The following HDAC5 variants were observed in gnomAD, a reference collection of about 807,000 sequenced individuals.
HDAC5 encodes the protein histone deacetylase 5, also known as antigen NY-CO-9.
Under a neutral mutation model 133.3 loss-of-function variants are expected in HDAC5, and 25 were observed. The observed-to-expected ratio is 0.19, with a 90% CI of 0.14 to 0.26. HDAC5 has a LOEUF of 0.26. Ranked by LOEUF, HDAC5 falls within the 10% of genes least tolerant of loss-of-function variation. HDAC5 has a pLI of 1.00. For missense variants in HDAC5, 1,041 were observed against 1,460.5 expected (o/e 0.71, Z 4.68); for synonymous variants, 589 against 610.8 (o/e 0.96, Z 0.53).
chr17:44,090,333 C>A (rs150901122), intron 11 of HDAC5, among the ~76,000 whole-genome samples: 356 of 152,258 alleles, frequency 2.3e-3, no homozygotes, highest in African/African-American at 6.9e-3. Context: ...TTGTAATATT[C>A]TGGATATAAT....
At position 44,092,778 on chromosome 17, in the gene HDAC5, T is replaced by C; in HGVS notation, c.670A>G (p.Ser224Gly). ...GGGGGGCCGCTCTGGGGAGGGGAAC[T>C]CTGGTCCAAAGAAGCATGGTGGGCT... ...WGAHHASLDQSSPPQSGPPGT... is the reference protein window; with the variant it reads ...WGAHHASLDQGSPPQSGPPGT... The change falls in exon 7 of 27, where the codon AGT (serine) becomes GGT (glycine). Residue 224 changes from serine (S) to glycine (G), a missense_variant. By Grantham distance (56) the Ser-to-Gly change is moderately conservative. This residue lies in a region of HDAC5 where 56 missense variants were observed against 41.3 expected (regional missense o/e 1.36). Transcript: ENST00000682912. The C allele has an allele frequency of 1.1e-6, 1 of 903,462 alleles. No individual in the cohort carries two copies. Among genetic ancestry groups the C allele is most frequent in the Non-Finnish European group, 1.5e-6 (1 of 681,068 alleles). The allele number at this position is 903,462 out of a possible 1,614,324, so 56.0% of individuals were successfully genotyped here. A position where few individuals can be genotyped will look rare whatever the true frequency, so the allele number is the denominator to read the frequency against.
intron 3 of HDAC5, among the ~76,000 whole-genome samples, chr17:44,106,196 T>C (rs532237601): frequency 6.6e-6 from 1 of 152,106 alleles, no homozygotes; most frequent in East Asian, 1.9e-4. Flanking sequence ...GAAGAGGGGA[T>C]GAGGCAGGGG....
At chr17:44,079,639 CAAAAAAAA>C (rs773678478) in intron 23 of HDAC5, among the ~76,000 whole-genome samples, 4 of 66,020 alleles carry the variant, frequency 6.1e-5, no homozygotes, top group Admixed American at 4.0e-4. Flanking sequence ...GACTCCACCT[CAAAAAAAA>C]AAAAAAAAAA....
chr17:44,106,198 A>G (rs2051928535), intron 3 of HDAC5, among the ~76,000 whole-genome samples: 1 of 152,110 alleles, frequency 6.6e-6, no homozygotes, highest in Non-Finnish European at 1.5e-5. Context: ...AGAGGGGATG[A>G]GGCAGGGGGA....
intron 1 of HDAC5, among the ~76,000 whole-genome samples, chr17:44,119,438 C>T (rs1270748000): frequency 6.6e-6 from 1 of 152,204 alleles, no homozygotes; most frequent in Non-Finnish European, 1.5e-5. Context: ...AAGGTTAGCC[C>T]CTAGCCCCCA....
intron 3 of HDAC5, among the ~76,000 whole-genome samples, chr17:44,109,901 G>A (rs575656756): frequency 2.0e-5 from 3 of 152,358 alleles, no homozygotes; most frequent in African/African-American, 7.2e-5. Context: ...CCGGCCTGGT[G>A]GGGAGGCTGT....
At position 44,091,637 on chromosome 17, in the gene HDAC5, G is replaced by A; in HGVS notation, c.1164+63C>T. 5 of 1,509,216 alleles carry A rather than the reference G, an allele frequency of 3.3e-6. No individual in the cohort carries two copies. In the South Asian group the frequency reaches 6.7e-5, roughly 20 times the overall value. The allele number at this position is 1,509,216 out of a possible 1,614,324, so 93.5% of individuals were successfully genotyped here. ...CCTTGGAAGGGGAAAACCCCAGCTG[G>A]GGGCATGCAGGACCTGTGACCTCAA... On this transcript the variant is annotated intron_variant, in intron 10 of 26. Coordinates refer to ENST00000682912, the MANE Select transcript of HDAC5 (RefSeq NM_005474.5).
intron 3 of HDAC5, among the ~76,000 whole-genome samples, chr17:44,102,601 C>T (rs1019416401): frequency 6.6e-5 from 10 of 151,940 alleles, no homozygotes; most frequent in South Asian, 2.1e-4. Flanking sequence ...CCTCGTGATC[C>T]GCCTGCCTCG....
At chr17:44,114,090 T>C (rs2052500076) in intron 2 of HDAC5, among the ~76,000 whole-genome samples, 1 of 152,224 alleles carries the variant, frequency 6.6e-6, no homozygotes, top group Admixed American at 6.5e-5. Context: ...AACACCTACT[T>C]TGGCATCTTC....
rs1007861846 is a variant in HDAC5 at position 44,117,008 on chromosome 17, C to T, written c.22+486G>A. Among the ~76,000 whole-genome samples the T allele has an allele frequency of 2.0e-5, 3 of 152,198 alleles. No individual in the cohort carries two copies. Among genetic ancestry groups the T allele is most frequent in the Admixed American group, 6.5e-5 (1 of 15,286 alleles). ...CCACCCAATGCCACGCACCTGCACA[C>T]GGAGGTTAAGGCCCAGTGCCCTTGT... On this transcript the variant is annotated intron_variant, in intron 2 of 26. Transcript: ENST00000682912. This position sits in a 1 kb window ranked among gnomAD's most constrained non-coding sequence, Gnocchi z 4.2.
At chr17:44,079,727 T>C (rs2050301262) in intron 23 of HDAC5, among the ~76,000 whole-genome samples, 1 of 142,052 alleles carries the variant, frequency 7.0e-6, no homozygotes, top group African/African-American at 2.6e-5. Context: ...ATGGGAGATA[T>C]AAACCCAAAT....
intron 2 of HDAC5, chr17:44,111,769 T>C: frequency 2.2e-6 from 1 of 464,048 alleles, no homozygotes; most frequent in Non-Finnish European, 4.3e-6. Flanking sequence ...TCCCTCCCGC[T>C]CATTCTGGAG....
intron 13 of HDAC5, among the ~76,000 whole-genome samples, chr17:44,087,150 C>T (rs927510062): frequency 6.6e-6 from 1 of 151,604 alleles, no homozygotes; most frequent in Non-Finnish European, 1.5e-5. Flanking sequence ...TACACAGACA[C>T]ACAAGCAGAG....
At chr17:44,084,799 T>C (rs2050570338) in intron 15 of HDAC5, 124 bp from the exon 16 acceptor site, 2 of 1,360,382 alleles carry the variant, frequency 1.5e-6, no homozygotes, top group Non-Finnish European at 2.0e-6. Flanking sequence ...TTTCAGAAAG[T>C]AGATCCTGGC....
intron 20 of HDAC5, chr17:44,082,026 C>G (rs969744266): frequency 6.6e-6 from 1 of 152,320 alleles, no homozygotes; most frequent in African/African-American, 2.4e-5. Context: ...CCTCTGCCTC[C>G]ACCATTAGGA....
chr17:44,083,658 G>C lies in HDAC5; in HGVS notation c.2356-6C>G. 2.5e-6 allele frequency: 4 copies of C among 1,611,422 alleles called. No individual in the cohort carries two copies. Among genetic ancestry groups the C allele is most frequent in the Non-Finnish European group, 3.4e-6 (4 of 1,177,618 alleles). ...CACACGGTGTCACTGTCCACCTGCA[G>C]GGCAGGAGAGCAGGTTTCAGTGTGC... On this transcript the variant is annotated splice_polypyrimidine_tract_variant and splice_region_variant and intron_variant, in intron 17 of 26. Coordinates refer to ENST00000682912, the MANE Select transcript of HDAC5 (RefSeq NM_005474.5).
intron 23 of HDAC5, 26 bp downstream of exon 23, chr17:44,080,081 C>G (rs1296322885): frequency 2.0e-6 from 3 of 1,499,316 alleles, no homozygotes; most frequent in African/African-American, 2.8e-5. Flanking sequence ...GTTTCACTTC[C>G]TCCCTCAATC....
intron 3 of HDAC5, among the ~76,000 whole-genome samples, chr17:44,101,940 GC>G (rs1023763155): frequency 3.9e-5 from 6 of 152,226 alleles, no homozygotes; most frequent in African/African-American, 7.2e-5. Flanking sequence ...TTATTCCTGA[GC>G]CCCCTTCTCT....
At chr17:44,106,089 GACAGCTGTT>G (rs1466830375) in intron 3 of HDAC5, among the ~76,000 whole-genome samples, 10 of 152,164 alleles carry the variant, frequency 6.6e-5, no homozygotes, top group African/African-American at 2.4e-4. Context: ...CTGCCAACCT[GACAGCTGTT>G]ACAGCTGTGT....
Sources: allele counts gnomAD v4.1 joint callset (sites outside exome capture counted in the v4.1 genomes callset), GRCh38; gene constraint gnomAD v4.1.1; regional missense constraint gnomAD v4.1.1; non-coding constraint Gnocchi (gnomAD v3.1); transcripts MANE v1.5; gene names NCBI Gene and HGNC (gene_info 2026-07-23, HGNC 2026-07-21).